Variants in CAPN5 observed in about 807,000 individuals in gnomAD.
The protein encoded by CAPN5 is calpain 5.
CAPN5 carries 54 observed loss-of-function variants against 73.0 expected under a neutral mutation model. The observed-to-expected ratio is 0.74, with a 90% CI of 0.59 to 0.93. The LOEUF (loss-of-function observed/expected upper bound fraction) is 0.93. Among genes scored for constraint, CAPN5 ranks in the 40% least tolerant of loss-of-function variants. The pLI, the probability that CAPN5 is intolerant of heterozygous loss-of-function variation, is 0.00. For missense variants in CAPN5, 785 were observed against 882.9 expected, an observed-to-expected ratio of 0.89 and a Z score of 1.41; for synonymous variants, 335 against 356.9, an observed-to-expected ratio of 0.94 and a Z score of 0.69.
At chr11:77,088,400 C>T (rs578120796) in intron 2 of CAPN5, among the ~76,000 whole-genome samples, 2 of 152,238 alleles carry the variant, frequency 1.3e-5, no homozygotes, top group South Asian at 2.1e-4. Context: ...CACACCCAGC[C>T]GAACTGCCCA....
intron 2 of CAPN5, among the ~76,000 whole-genome samples, chr11:77,088,615 G>GT (rs1438420740): frequency 2.0e-5 from 3 of 152,126 alleles, no homozygotes; most frequent in Non-Finnish European, 4.4e-5. Flanking sequence ...TCCCAGACCT[G>GT]TTTCCCACTG....
At chr11:77,105,268 G>A (rs933565259) in intron 3 of CAPN5, among the ~76,000 whole-genome samples, 1 of 151,938 alleles carries the variant, frequency 6.6e-6, no homozygotes, top group Non-Finnish European at 1.5e-5. Context: ...TCACGGCCCC[G>A]AGCACTTGCT....
At chr11:77,122,804 G>A (rs949632114) in intron 12 of CAPN5, 92 bp downstream of exon 12, 51 of 1,522,386 alleles carry the variant, frequency 3.4e-5, no homozygotes, top group Middle Eastern at 4.7e-4. Flanking sequence ...ACCCTCTGAC[G>A]AGGACCCAGG....
chr11:77,081,450 C>G (rs1020168929), intron 1 of CAPN5, among the ~76,000 whole-genome samples: 6 of 152,292 alleles, frequency 3.9e-5, no homozygotes, highest in South Asian at 4.1e-4. Context: ...TTGTGGTAGC[C>G]CCCCCATACC....
At chr11:77,118,715 C>T (rs564640016) in intron 8 of CAPN5, among the ~76,000 whole-genome samples, 30 of 152,368 alleles carry the variant, frequency 2.0e-4, no homozygotes, top group African/African-American at 6.5e-4. Flanking sequence ...GGCTTCCCCA[C>T]GGGGCCTCTC....
intron 3 of CAPN5, among the ~76,000 whole-genome samples, chr11:77,107,102 A>C (rs1226016745): frequency 2.6e-5 from 4 of 152,172 alleles, no homozygotes; most frequent in African/African-American, 9.7e-5. Flanking sequence ...TCTCCGGTGG[A>C]GAGCAGCAGG....
chr11:77,102,002 G>C (rs1950289962), intron 3 of CAPN5, among the ~76,000 whole-genome samples: 1 of 152,194 alleles, frequency 6.6e-6, no homozygotes, highest in Admixed American at 6.5e-5. Context: ...AGTGTCATCC[G>C]GGTCAGTAAT....
At chr11:77,076,267 AT>A (rs1949967767) in intron 1 of CAPN5, among the ~76,000 whole-genome samples, 1 of 152,200 alleles carries the variant, frequency 6.6e-6, no homozygotes, top group Admixed American at 6.5e-5. Context: ...AGGCAGGAGA[AT>A]CGCTTGAATC....
In CAPN5 at chr11:77,091,907, A is replaced by G. The variant is rs191714829; in HGVS notation, c.166-1775A>G. Among the ~76,000 whole-genome samples, 49 of 152,180 alleles carry G rather than the reference A, an allele frequency of 3.2e-4. 1 individual carries two copies. The East Asian group carries it at 7.7e-3, about 24-fold the overall frequency. On this transcript the variant is annotated intron_variant, in intron 2 of 12. Transcript: ENST00000648180. ...GCCCTGGGCTTGATACTTTACATAC[A>G]CTGATTCCTCCTCGCAAAGTAGAAA...
chr11:77,108,657 C>A (rs1269850601), intron 3 of CAPN5, among the ~76,000 whole-genome samples: 1 of 151,996 alleles, frequency 6.6e-6, no homozygotes, highest in Non-Finnish European at 1.5e-5. Context: ...ATTTCCTCTA[C>A]ACACCCCTGC....
intron 1 of CAPN5, among the ~76,000 whole-genome samples, chr11:77,074,471 C>A (rs879986233): frequency 2.0e-5 from 3 of 152,186 alleles, no homozygotes; most frequent in Admixed American, 6.5e-5. Context: ...TGCTCGGGCT[C>A]CATCTCGGAA....
At chr11:77,073,225 C>A in intron 1 of CAPN5, 1 of 751,838 alleles carries the variant, frequency 1.3e-6, no homozygotes, top group Non-Finnish European at 2.0e-6. Context: ...GAGCTGCTCA[C>A]CCGAGGCTTG....
At chr11:77,114,460 C>T (rs782303180) in intron 5 of CAPN5, 26 bp downstream of exon 5, 15 of 1,598,872 alleles carry the variant, frequency 9.4e-6, no homozygotes, top group Middle Eastern at 1.7e-4. Context: ...TCCCCAGAGG[C>T]GACCCCTCCC....
intron 3 of CAPN5, among the ~76,000 whole-genome samples, chr11:77,098,402 C>G (rs1286561625): frequency 7.2e-4 from 63 of 87,204 alleles, no homozygotes; most frequent in East Asian, 1.7e-3. Context: ...CCTCCCGGAC[C>G]GGGCGGCTGG....
rs1218712268 is a variant in CAPN5 at position 77,067,039 on chromosome 11, G to C, written c.-91G>C. ...GGGCGGCTGCAGCCTCCGCTCCAGC[G>C]CCCGCGCCGTGCCCTGCATCCCGGG... On this transcript the variant is annotated 5_prime_UTR_variant, in exon 1 of 13. Coordinates refer to ENST00000648180, the MANE Select transcript of CAPN5 (RefSeq NM_004055.5). The C allele has an allele frequency of 6.6e-6, 1 of 152,146 alleles. No homozygotes were observed. The highest frequency in any genetic ancestry group is 2.4e-5 in the African/African-American group (1 of 41,450). 9.4% of individuals were successfully genotyped at this position (152,146 alleles called of 1,614,324 possible). A position where few individuals can be genotyped will look rare whatever the true frequency, so the allele number is the denominator to read the frequency against.
chr11:77,091,920 C>T (rs533508309), intron 2 of CAPN5, among the ~76,000 whole-genome samples: 12 of 152,326 alleles, frequency 7.9e-5, no homozygotes, highest in African/African-American at 2.6e-4. Context: ...GATTCCTCCT[C>T]GCAAAGTAGA....
chr11:77,114,396 G>T lies in CAPN5; in HGVS notation c.661G>T (p.Val221Leu). ...RNQLFERMLK[V>L]HSRGGLISAS... Reference sequence around the variant, plus strand: ...CCAGCTCTTTGAGCGCATGTTAAAGGTGCACAGCCGGGGCGGCCTCATCAG... The same window carrying T: ...CCAGCTCTTTGAGCGCATGTTAAAGTTGCACAGCCGGGGCGGCCTCATCAG... Residue 221 changes from valine (V) to leucine (L), a missense_variant, in exon 5 of 13, where the codon GTG becomes TTG. Val to Leu is a conservative substitution (Grantham distance 32, BLOSUM62 1). Transcript: ENST00000648180. The T allele has an allele frequency of 6.2e-7, 1 of 1,614,198 alleles. No individual in the cohort carries two copies. Among genetic ancestry groups the T allele is most frequent in the South Asian group, 1.1e-5 (1 of 91,080 alleles).
At position 77,125,146 on chromosome 11, in the gene CAPN5, G is replaced by A. The variant is rs1225486153; in HGVS notation, c.*1276G>A. ...TTGGGATCTCTGCTGTGCCCTTCTC[G>A]GGCTTCCAGACCAGGTGTAGCAAAT... On this transcript the variant is annotated 3_prime_UTR_variant, in exon 13 of 13. Coordinates refer to ENST00000648180, the MANE Select transcript of CAPN5 (RefSeq NM_004055.5). The A allele has an allele frequency of 2.0e-5, 3 of 152,370 alleles. No homozygotes were observed. Among genetic ancestry groups the A allele is most frequent in the Non-Finnish European group, 2.9e-5 (2 of 68,042 alleles). 9.4% of individuals were successfully genotyped at this position (152,370 alleles called of 1,614,324 possible). A position where few individuals can be genotyped will look rare whatever the true frequency, so the allele number is the denominator to read the frequency against.
At chr11:77,121,797 A>G (rs1287155145) in intron 10 of CAPN5, 137 bp from the exon 11 acceptor site, 1 of 553,402 alleles carries the variant, frequency 1.8e-6, no homozygotes, top group African/African-American at 1.9e-5. Flanking sequence ...GCCCATGGGG[A>G]TTTGCTCAGG....
Sources: allele counts gnomAD v4.1 joint callset (sites outside exome capture counted in the v4.1 genomes callset), GRCh38; gene constraint gnomAD v4.1.1; transcripts MANE v1.5; gene names NCBI Gene and HGNC (gene_info 2026-07-23, HGNC 2026-07-21).